The following RECQL5 variants were observed in gnomAD, a reference collection of about 807,000 sequenced individuals.
RECQL5 encodes RecQ like helicase 5, also known as ATP-dependent DNA helicase Q5.
In RECQL5, 88 loss-of-function variants were observed where a neutral mutation model predicts 103.4. That is an observed-to-expected ratio of 0.85 (90% CI 0.72 to 1.02). The LOEUF is 1.02. Ranked by LOEUF, RECQL5 falls within the 50% of genes least tolerant of loss-of-function variation. RECQL5 has a pLI of 0.00. For synonymous variants in RECQL5, 552 were observed against 507.9 expected (o/e 1.09, Z -1.17); for missense variants, 1,232 against 1,284.3 (o/e 0.96, Z 0.62).
At chr17:75,631,039 G>A in intron 10 of RECQL5, 29 bp from the exon 11 acceptor site, 2 of 1,613,264 alleles carry the variant, frequency 1.2e-6, no homozygotes, top group African/African-American at 2.7e-5. Flanking sequence ...GACCCATGAG[G>A]CGTCCTGCCC....
rs531373402 is a variant in RECQL5 at position 75,640,902 on chromosome 17, C to G, written c.1230-9234G>C. 1 of 1,542,488 alleles carries G rather than the reference C, an allele frequency of 6.5e-7. No homozygotes were observed. ...GTGCAGCCGACACCACCATGACGGA[C>G]GGGCGATGGCTGAGGAGAAGCTGGA... On this transcript the variant is annotated intron_variant, in intron 8 of 19. Coordinates refer to ENST00000317905, the MANE Select transcript of RECQL5 (RefSeq NM_004259.7). This position sits in a 1 kb window ranked among gnomAD's most constrained non-coding sequence, Gnocchi z 4.6.
Position 75,641,014 on chromosome 17 carries a change from C to A in RECQL5, c.1230-9346G>T, listed in dbSNP as rs2059426888. ...AGACCAGGCTCCCCTGGCCCCAGCT[C>A]TGGCCCAGCCCAGGTACCTGGACAC... is the stretch of plus-strand genomic sequence containing the variant. On this transcript the variant is annotated intron_variant, in intron 8 of 19. Transcript: ENST00000317905. 2.7e-5 allele frequency: 40 copies of A among 1,468,674 alleles called. 1 individual carries two copies. In the South Asian group the frequency reaches 5.1e-4, roughly 19 times the overall value. 91.0% of individuals were successfully genotyped at this position (1,468,674 alleles called of 1,614,324 possible). A position where few individuals can be genotyped will look rare whatever the true frequency, so the allele number is the denominator to read the frequency against.
chr17:75,629,969 A>G (rs2059176140), intron 14 of RECQL5, 127 bp from the exon 15 acceptor site: 1 of 1,328,276 alleles, frequency 7.5e-7, no homozygotes, highest in African/African-American at 1.5e-5. Flanking sequence ...GCAACTGACC[A>G]CTGGGCAAGT....
chr17:75,628,868 C>T (rs750786030), intron 16 of RECQL5, 66 bp downstream of exon 16: 6 of 1,586,002 alleles, frequency 3.8e-6, no homozygotes, highest in Middle Eastern at 1.7e-4. Flanking sequence ...GCTTCAGACG[C>T]CCAGTGAGCA....
intron 8 of RECQL5, chr17:75,650,962 C>T (rs2059547576): frequency 1.4e-6 from 2 of 1,469,694 alleles, no homozygotes; most frequent in Admixed American, 2.6e-5. Context: ...GGGAAGGACA[C>T]CACTCAGAAT....
Position 75,627,526 on chromosome 17 carries a change from C to T in RECQL5, c.2876-4G>A, listed in dbSNP as rs375543423. ...AGGTTCTGGGCCTCTTCTTTCACTA[C>T]AGATTCAGGGTGGGGGCATGAGGAG... On this transcript the variant is annotated splice_region_variant and splice_polypyrimidine_tract_variant and intron_variant, in intron 19 of 19. Transcript: ENST00000317905. 7.3e-5 allele frequency: 118 copies of T among 1,613,772 alleles called. No homozygotes were observed. Among genetic ancestry groups the T allele is most frequent in the Non-Finnish European group, 8.5e-6 (10 of 1,179,924 alleles).
intron 6 of RECQL5, among the ~76,000 whole-genome samples, chr17:75,660,245 T>C (rs1301953838): frequency 1.3e-5 from 2 of 152,038 alleles, no homozygotes; most frequent in African/African-American, 2.4e-5. Context: ...TTTTATGTAT[T>C]TTTTGTAGAG....
chr17:75,630,628 G>A lies in RECQL5; in HGVS notation c.1709C>T (p.Thr570Ile), dbSNP rs760175418. ...ALSSNRQSTRTADEADLRAKA... is the reference protein window; with the variant it reads ...ALSSNRQSTRIADEADLRAKA... ...TGATCGTGGAACTCACTCATCAGCGGTACGTGTTGACTGGCGGTTGCTGCT... is the reference window on the plus strand; with the variant it reads ...TGATCGTGGAACTCACTCATCAGCGATACGTGTTGACTGGCGGTTGCTGCT... Residue 570 changes from threonine to isoleucine, a missense_variant, in exon 13 of 20, where the codon ACC becomes ATC. Thr to Ile is a moderately conservative substitution (Grantham distance 89, BLOSUM62 -1). Coordinates refer to ENST00000317905, the MANE Select transcript of RECQL5 (RefSeq NM_004259.7). 5.6e-5 allele frequency: 90 copies of A among 1,613,532 alleles called. 1 individual carries two copies. Among genetic ancestry groups the A allele is most frequent in the Middle Eastern group, 5.0e-4 (3 of 6,056 alleles).
At chr17:75,634,347 C>T in intron 8 of RECQL5, 2 of 728,116 alleles carry the variant, frequency 2.7e-6, no homozygotes, top group Non-Finnish European at 3.4e-6. Flanking sequence ...GGGAAGTCAG[C>T]CAGCCTCCTG....
Position 75,665,192 on chromosome 17 carries a change from C to T in RECQL5, c.131-20G>A, listed in dbSNP as rs1568288349. On this transcript the variant is annotated intron_variant, in intron 2 of 19. Transcript: ENST00000317905. The stretch of plus-strand genomic sequence containing the variant: ...TGTTACCTGAAAAAATACAAGACAA[C>T]AATATCTCAGTGCTTCCTGCCTTTT... The T allele has an allele frequency of 2.2e-5, 35 of 1,602,110 alleles. No individual in the cohort carries two copies. Among genetic ancestry groups the T allele is most frequent in the South Asian group, 3.4e-5 (3 of 88,886 alleles).
chr17:75,641,542 C>T (rs2290461), intron 8 of RECQL5: 6,885 of 152,732 alleles, frequency 0.045, 181 homozygotes, highest in Admixed American at 0.066. Flanking sequence ...AAGCATGCCA[C>T]ACAGGCGGTT....
chr17:75,663,128 G>T (rs1191562812), intron 3 of RECQL5, 131 bp from the exon 4 acceptor site: 3 of 873,992 alleles, frequency 3.4e-6, no homozygotes, highest in Non-Finnish European at 5.2e-6. Context: ...TTGCATAGAA[G>T]TAGTAGAGGT....
chr17:75,665,128 A>G lies in RECQL5; in HGVS notation c.175T>C (p.Ser59Pro). ...AGAGCAGGGAGCTGATAGCATAGGG[A>G]TTTTCCTGCCCCTGTGGGCATGCAC... Reference protein sequence around the residue: ...FVCMPTGAGKSLCYQLPALLA... With the variant: ...FVCMPTGAGKPLCYQLPALLA... The change falls in exon 3 of 20, where the codon TCC becomes CCC. Residue 59 changes from serine (S) to proline (P), a missense_variant. Ser to Pro is a moderately conservative substitution (Grantham distance 74, BLOSUM62 -1). Coordinates refer to ENST00000317905, the MANE Select transcript of RECQL5 (RefSeq NM_004259.7). 6.2e-7 allele frequency: 1 copy of G among 1,612,102 alleles called. No homozygotes were observed. The highest frequency in any genetic ancestry group is 1.1e-5 in the South Asian group (1 of 90,672).
chr17:75,629,414 G>C lies in RECQL5; in HGVS notation c.2009C>G (p.Thr670Arg), dbSNP rs770510555. 1 of 1,505,998 alleles carries C rather than the reference G, an allele frequency of 6.6e-7. No homozygotes were observed. The highest frequency in any genetic ancestry group is 2.3e-5 in the Admixed American group (1 of 43,732). The allele number at this position is 1,505,998 out of a possible 1,614,324, so 93.3% of individuals were successfully genotyped here. ...PKGSCPFQTATELMETTRIRE... is the reference protein window; with the variant it reads ...PKGSCPFQTARELMETTRIRE... ...GATCCGAGTTGTCTCCATCAGTTCC[G>C]TGGCCGTCTGGAACGGGCAGGAGCC... The change falls in exon 16 of 20, where the codon ACG becomes AGG. Residue 670 changes from threonine (T) to arginine (R), a missense_variant. Physicochemically the swap from Thr to Arg is moderately conservative, Grantham distance 71. Coordinates refer to ENST00000317905, the MANE Select transcript of RECQL5 (RefSeq NM_004259.7).
rs199641399 is a variant in RECQL5, at chr17:75,627,617, G to A, written c.2875+6C>T. On this transcript the variant is annotated splice_donor_region_variant and intron_variant, in intron 19 of 19. Coordinates refer to ENST00000317905, the MANE Select transcript of RECQL5 (RefSeq NM_004259.7). ...GCCTCCTGGCCCTGGCAATGCCAGC[G>A]CTCACCGCTCCTTCCAGGAGAGGTC... 7.7e-4 allele frequency: 1,246 copies of A among 1,613,272 alleles called. 14 individuals are homozygous for A. The highest frequency in any genetic ancestry group is 6.7e-4 in the East Asian group (30 of 44,874).
chr17:75,640,704 C>T lies in RECQL5; in HGVS notation c.1230-9036G>A. ...CCACCAAACCTGTGGGGGAAAGACCCTGGCAGGCAGTGGGTTTCTCTGGGA... is the reference window on the plus strand; with the variant it reads ...CCACCAAACCTGTGGGGGAAAGACCTTGGCAGGCAGTGGGTTTCTCTGGGA... On this transcript the variant is annotated intron_variant, in intron 8 of 19. Transcript: ENST00000317905. The surrounding 1 kb of genome is among the most constrained non-coding windows in gnomAD (Gnocchi z 4.6). The T allele has an allele frequency of 6.6e-7, 1 of 1,508,572 alleles. No homozygotes were observed. Among genetic ancestry groups the T allele is most frequent in the Non-Finnish European group, 8.9e-7 (1 of 1,124,382 alleles). 93.4% of individuals were successfully genotyped at this position (1,508,572 alleles called of 1,614,324 possible).
intron 8 of RECQL5, chr17:75,646,336 G>C (rs1351364816): frequency 1.3e-5 from 2 of 152,396 alleles, no homozygotes; most frequent in East Asian, 1.9e-4. Flanking sequence ...CAGTCCACAC[G>C]TCACCCAGAC....
intron 8 of RECQL5, among the ~76,000 whole-genome samples, chr17:75,642,435 C>T (rs1045408412): frequency 7.9e-5 from 12 of 152,204 alleles, no homozygotes; most frequent in Admixed American, 3.3e-4. Context: ...GCTGGCAGTC[C>T]AGGCCACACT....
At chr17:75,634,129 G>A (rs2059274391) in intron 8 of RECQL5, 1 of 985,368 alleles carries the variant, frequency 1.0e-6, no homozygotes, top group African/African-American at 1.7e-5. Flanking sequence ...CGCCCACGAA[G>A]GAAGTACGAG....
Sources: allele counts gnomAD v4.1 joint callset (sites outside exome capture counted in the v4.1 genomes callset), GRCh38; gene constraint gnomAD v4.1.1; non-coding constraint Gnocchi (gnomAD v3.1); transcripts MANE v1.5; gene names NCBI Gene and HGNC (gene_info 2026-07-23, HGNC 2026-07-21).